ELAC2: variants seen among roughly 807,000 people sequenced by gnomAD.
ELAC2 encodes elaC ribonuclease Z 2, also known as zinc phosphodiesterase ELAC protein 2.
A neutral mutation model predicts 105.2 loss-of-function variants in ELAC2; 92 were observed. The ratio of observed to expected loss-of-function variants is 0.87; its 90% CI spans 0.74 to 1.04. The LOEUF (loss-of-function observed/expected upper bound fraction) is 1.04. Among genes scored for constraint, ELAC2 ranks in the 50% least tolerant of loss-of-function variants. The pLI is 0.00. For missense variants in ELAC2, 1,099 were observed against 1,071.7 expected, an observed-to-expected ratio of 1.03 and a Z score of -0.36; for synonymous variants, 468 against 409.1, an observed-to-expected ratio of 1.14 and a Z score of -1.74.
At chr17:12,999,629 T>C (rs1200082386) in intron 15 of ELAC2, among the ~76,000 whole-genome samples, 1 of 151,756 alleles carries the variant, frequency 6.6e-6, no homozygotes, top group East Asian at 2.0e-4. Flanking sequence ...CATCGCCAAA[T>C]GCTCTGATTG....
In ELAC2 at chr17:13,011,997, G is replaced by A. The variant is rs572269030; in HGVS notation, c.560-215C>T. On this transcript the variant is annotated intron_variant, in intron 6 of 23. Coordinates refer to ENST00000338034, the MANE Select transcript of ELAC2 (RefSeq NM_018127.7). ...ATGTTTCTGCTTAGCTCACAGCCTC[G>A]GCCACAGTACCAACTCAACAACGTG... is the stretch of plus-strand genomic sequence containing the variant. 1.8e-4 allele frequency among the ~76,000 whole-genome samples: 27 copies of A among 152,178 alleles called. No individual in the cohort carries two copies. In the South Asian group the frequency reaches 2.9e-3, roughly 16 times the overall value.
intron 8 of ELAC2, among the ~76,000 whole-genome samples, chr17:13,007,430 T>C (rs2041171063): frequency 6.6e-6 from 1 of 152,208 alleles, no homozygotes; most frequent in Non-Finnish European, 1.5e-5. Context: ...AAAAATATCA[T>C]CCTAGATGAA....
rs747802339 is a variant in ELAC2, at chr17:13,015,764, T to A, written c.432+4A>T. 6.2e-7 allele frequency: 1 copy of A among 1,611,958 alleles called. No individual in the cohort carries two copies. The highest frequency in any genetic ancestry group is 1.3e-5 in the African/African-American group (1 of 74,914). On this transcript the variant is annotated splice_donor_region_variant and intron_variant, in intron 4 of 23. Transcript: ENST00000338034. ...TTTTGAAAGATGTGTCAGGAAAGAC[T>A]CACCAGTTGTGGAGGTCCAGAAAGT... is the stretch of plus-strand genomic sequence containing the variant.
At chr17:13,003,822 A>C (rs1201189184) in intron 11 of ELAC2, 1 of 530,358 alleles carries the variant, frequency 1.9e-6, no homozygotes. Flanking sequence ...GGCCTGGCTG[A>C]TCCTTTCTCA....
At chr17:12,999,953 A>G (rs2040687989) in intron 15 of ELAC2, among the ~76,000 whole-genome samples, 2 of 152,164 alleles carry the variant, frequency 1.3e-5, no homozygotes, top group Non-Finnish European at 2.9e-5. Context: ...CACCGCGCCC[A>G]GCCAGGAATT....
chr17:13,004,963 C>A, intron 11 of ELAC2, 26 bp downstream of exon 11: 1 of 1,565,032 alleles, frequency 6.4e-7, no homozygotes, highest in Non-Finnish European at 8.8e-7. Flanking sequence ...GCTCTCACTT[C>A]TCCCACCCTA....
intron 3 of ELAC2, among the ~76,000 whole-genome samples, 154 bp from the exon 4 acceptor site, chr17:13,015,986 C>T (rs1204620696): frequency 6.6e-6 from 1 of 152,218 alleles, no homozygotes; most frequent in Non-Finnish European, 1.5e-5. Context: ...GAAGTGATGC[C>T]AGCTAGAGGT....
intron 15 of ELAC2, among the ~76,000 whole-genome samples, chr17:12,998,792 G>A (rs80003444): frequency 6.6e-6 from 1 of 151,982 alleles, no homozygotes; most frequent in South Asian, 2.1e-4. Context: ...GGAGAGGGGG[G>A]TTGTTATAAA....
At position 13,003,110 on chromosome 17, in the gene ELAC2, C is replaced by T. The variant is rs537904227; in HGVS notation, c.1079+369G>A. On this transcript the variant is annotated intron_variant, in intron 12 of 23. Transcript: ENST00000338034. ...AAATGAAGTGAAATGAAGGGTATTT[C>T]ACACACTGCCTCCCACAAAGTGGGC... 1.1e-4 allele frequency among the ~76,000 whole-genome samples: 17 copies of T among 152,354 alleles called. No individual in the cohort carries two copies. In the South Asian group the frequency reaches 1.9e-3, roughly 17 times the overall value.
chr17:13,016,878 A>G lies in ELAC2; in HGVS notation c.351T>C (p.Asn117=), dbSNP rs146877290. ...TATACTCACCACTTAAGCCCCCAAC[A>G]TTAGACCAGTGCATTCGTGTCAGGA... ...NIFLTRMHWS[N]VGGLSGMILT... Residue 117 remains asparagine, a synonymous_variant, in exon 3 of 24, where the codon AAT becomes AAC. Coordinates refer to ENST00000338034, the MANE Select transcript of ELAC2 (RefSeq NM_018127.7). The G allele has an allele frequency of 2.0e-5, 32 of 1,614,036 alleles. No individual in the cohort carries two copies. In the African/African-American group the frequency reaches 3.9e-4, roughly 20 times the overall value.
intron 3 of ELAC2, 45 bp downstream of exon 3, chr17:13,016,810 AAAATCCC>A: frequency 6.3e-7 from 1 of 1,580,058 alleles, no homozygotes; most frequent in African/African-American, 1.3e-5. Flanking sequence ...AAAGCCGGTT[AAAATCCC>A]AGAGACTTCC....
chr17:13,017,496 C>CTTTT, intron 1 of ELAC2: 7 of 1,112,452 alleles, frequency 6.3e-6, no homozygotes, highest in Non-Finnish European at 8.8e-6. Flanking sequence ...GACGCTCAGA[C>CTTTT]CCAGGCCTGA....
rs1355950774 is a variant in ELAC2, at chr17:12,993,065, A to G, written c.2254-20T>C. The G allele has an allele frequency of 6.3e-7, 1 of 1,599,482 alleles. No homozygotes were observed. ...GCAGACCTAGAAGACACAATAGAAGACAAGGACATGTCTCAGAGGGGCAGG... is the reference window on the plus strand; with the variant it reads ...GCAGACCTAGAAGACACAATAGAAGGCAAGGACATGTCTCAGAGGGGCAGG... On this transcript the variant is annotated intron_variant, in intron 23 of 23. Transcript: ENST00000338034.
At chr17:12,999,894 C>T (rs1053339587) in intron 15 of ELAC2, among the ~76,000 whole-genome samples, 3 of 152,136 alleles carry the variant, frequency 2.0e-5, no homozygotes, top group African/African-American at 4.8e-5. Flanking sequence ...CCCGACCTCG[C>T]GATCCACCTG....
At chr17:13,013,098 GAACACAA>G in intron 6 of ELAC2, 102 bp downstream of exon 6, 1 of 1,268,826 alleles carries the variant, frequency 7.9e-7, no homozygotes, top group East Asian at 2.4e-5. Context: ...ATCATGCTCA[GAACACAA>G]AACAGGGTGC....
In ELAC2 at chr17:13,002,307, T is replaced by C; in HGVS notation, c.1271A>G (p.Lys424Arg). Residue 424 changes from lysine (K) to arginine (R), a missense_variant, in exon 14 of 24, where the codon AAG (lysine) becomes AGG (arginine). Transcript: ENST00000338034. Reference protein sequence around the residue: ...VPMVQGECLLKYQLRPRREWQ... With the variant: ...VPMVQGECLLRYQLRPRREWQ... ...CTCCCTCCTGGGACGGAGCTGGTAC[T>C]TGAGGAGGCATTCACCCTGAACCAT... 3 of 1,614,196 alleles carry C rather than the reference T, an allele frequency of 1.9e-6. No individual in the cohort carries two copies. Among genetic ancestry groups the C allele is most frequent in the Non-Finnish European group, 1.7e-6 (2 of 1,180,038 alleles).
At chr17:12,998,558 G>A in intron 15 of ELAC2, 50 bp from the exon 16 acceptor site, 2 of 1,515,022 alleles carry the variant, frequency 1.3e-6, no homozygotes, top group Non-Finnish European at 9.2e-7. Context: ...TCAAAAGTGA[G>A]CCAGCATGCA....
At chr17:12,996,834 T>C (rs1697089857) in intron 16 of ELAC2, 149 bp from the exon 17 acceptor site, 2 of 1,101,612 alleles carry the variant, frequency 1.8e-6, no homozygotes, top group Admixed American at 2.0e-5. Context: ...TAAAAGCCAA[T>C]TAATTTAACC....
In ELAC2 at chr17:13,011,712, C is replaced by T. The variant is rs1359548618; in HGVS notation, c.630G>A (p.Glu210=). 7 of 1,614,076 alleles carry T rather than the reference C, an allele frequency of 4.3e-6. No individual in the cohort carries two copies. Among genetic ancestry groups the T allele is most frequent in the African/African-American group, 1.3e-5 (1 of 74,918 alleles). ...CATTCGACTCGGAGTCTGAAGATCGCTCTGGACTGAGCCTGCTGAGAGGCC... is the reference window on the plus strand; with the variant it reads ...CATTCGACTCGGAGTCTGAAGATCGTTCTGGACTGAGCCTGCTGAGAGGCC... ...PERPLSRLSP[E]RSSDSESNEN... The change falls in exon 7 of 24, where the codon GAG becomes GAA. Residue 210 remains glutamate, a synonymous_variant. Coordinates refer to ENST00000338034, the MANE Select transcript of ELAC2 (RefSeq NM_018127.7).
Sources: allele counts gnomAD v4.1 joint callset (sites outside exome capture counted in the v4.1 genomes callset), GRCh38; gene constraint gnomAD v4.1.1; transcripts MANE v1.5; gene names NCBI Gene and HGNC (gene_info 2026-07-23, HGNC 2026-07-21).